Variants in ZCCHC4 observed in about 807,000 individuals in gnomAD.
The protein encoded by ZCCHC4 is zinc finger CCHC-type containing 4.
In ZCCHC4, 54 loss-of-function variants were observed where a neutral mutation model predicts 67.7. The ratio of observed to expected loss-of-function variants is 0.80; its 90% confidence interval spans 0.64 to 1.00. The LOEUF is 1.00. ZCCHC4 is among the 50% of genes least tolerant of loss of function. The pLI, the probability that ZCCHC4 is intolerant of heterozygous loss-of-function variation, is 0.00. For synonymous variants in ZCCHC4, 198 were observed against 213.5 expected (o/e 0.93, Z 0.63); for missense variants, 609 against 617.0 (o/e 0.99, Z 0.14).
chr4:25,318,266 A>T (rs756719402), intron 3 of ZCCHC4, among the ~76,000 whole-genome samples: 18 of 150,938 alleles, frequency 1.2e-4, no homozygotes, highest in Admixed American at 9.2e-4. Context: ...TCTGTAAGAA[A>T]ATCTAGGTGA....
chr4:25,322,710 G>T (rs1718647725), intron 3 of ZCCHC4, among the ~76,000 whole-genome samples: 2 of 152,024 alleles, frequency 1.3e-5, no homozygotes, highest in African/African-American at 4.8e-5. Context: ...TAGAGATGGG[G>T]TTTTGCCATA....
chr4:25,316,801 G>A (rs1481554828), intron 3 of ZCCHC4, among the ~76,000 whole-genome samples: 2 of 152,136 alleles, frequency 1.3e-5, no homozygotes, highest in Non-Finnish European at 2.9e-5. Context: ...AAACACAAGA[G>A]TTTTAATTTT....
chr4:25,317,642 CA>C (rs1189582262), intron 3 of ZCCHC4, among the ~76,000 whole-genome samples: 4 of 131,402 alleles, frequency 3.0e-5, no homozygotes, highest in Non-Finnish European at 6.2e-5. Context: ...ACCTGGGAGG[CA>C]GAGGTGAGCC....
rs764380541 is a variant in ZCCHC4 at position 25,361,974 on chromosome 4, G to C, written c.1127G>C (p.Gly376Ala). Residue 376 changes from glycine (G) to alanine (A), a missense_variant, in exon 9 of 13, where the codon GGG (glycine) becomes GCG (alanine). Transcript: ENST00000302874. Reference protein sequence around the residue: ...PNKIILPTEEGYRFCSPCQRY... With the variant: ...PNKIILPTEEAYRFCSPCQRY... ...AAAATAATCCTTCCTACTGAAGAAG[G>C]GTACAGGTAAGATCACAGTGGAACT... 7.4e-6 allele frequency: 12 copies of C among 1,612,980 alleles called. No homozygotes were observed. In the Admixed American group the frequency reaches 1.3e-4, roughly 18 times the overall value.
At chr4:25,342,363 TGGAGAACAGCC>T (rs1719796516) in intron 5 of ZCCHC4, among the ~76,000 whole-genome samples, 1 of 152,198 alleles carries the variant, frequency 6.6e-6, no homozygotes, top group Non-Finnish European at 1.5e-5. Flanking sequence ...TATCCAAGGT[TGGAGAACAGCC>T]TCAAACTCCA....
In ZCCHC4 at chr4:25,354,297, G is replaced by A. The variant is rs372106905; in HGVS notation, c.1011+2608G>A. Among the ~76,000 whole-genome samples, 75 of 152,268 alleles carry A rather than the reference G, an allele frequency of 4.9e-4. 1 individual carries two copies. The highest frequency in any genetic ancestry group is 1.7e-3 in the African/African-American group (72 of 41,548). On this transcript the variant is annotated intron_variant, in intron 8 of 12. Coordinates refer to ENST00000302874, the MANE Select transcript of ZCCHC4 (RefSeq NM_024936.3). ...TACAGTTTTGAGAAATAGTTGCAAG[G>A]TCCAAGTGTGGACAATAATTATGCA...
chr4:25,365,758 G>A (rs1011525760), intron 12 of ZCCHC4: 1 of 985,406 alleles, frequency 1.0e-6, no homozygotes, highest in African/African-American at 1.7e-5. Context: ...AGAGTATGGG[G>A]ATACCTATGA....
chr4:25,356,556 CTT>C (rs912082095), intron 8 of ZCCHC4, among the ~76,000 whole-genome samples: 1 of 150,488 alleles, frequency 6.6e-6, no homozygotes, highest in African/African-American at 2.4e-5. Context: ...AGAAATTGTT[CTT>C]TTTTTTTCCC....
At chr4:25,366,402 G>T (rs1260668234) in intron 12 of ZCCHC4, 12 of 452,416 alleles carry the variant, frequency 2.7e-5, no homozygotes, top group African/African-American at 4.5e-5. Context: ...TGTAAGCTCC[G>T]CCTCCCGGGT....
chr4:25,324,012 G>GTATTTTTTTTTTTT (rs1250841223), intron 3 of ZCCHC4, among the ~76,000 whole-genome samples: 1 of 18,590 alleles, frequency 5.4e-5, no homozygotes, highest in African/African-American at 4.3e-4. Context: ...ACTGTTTTTT[G>GTATTTTTTTTTTTT]TGTTTTTTTT....
rs56961128 is a variant in ZCCHC4, at chr4:25,352,055, G to A, written c.1011+366G>A. Reference sequence around the variant, plus strand: ...CCACCCCTGGTTCATCATTATGAACGTTGGTTTCCTCTTTTCAGGGCATAT... The same window carrying A: ...CCACCCCTGGTTCATCATTATGAACATTGGTTTCCTCTTTTCAGGGCATAT... On this transcript the variant is annotated intron_variant, in intron 8 of 12. Coordinates refer to ENST00000302874, the MANE Select transcript of ZCCHC4 (RefSeq NM_024936.3). 1.5e-3 allele frequency: 1,516 copies of A among 998,168 alleles called. 17 individuals are homozygous for A. The African/African-American group carries it at 0.024, about 16-fold the overall frequency. The allele number at this position is 998,168 out of a possible 1,614,324, so 61.8% of individuals were successfully genotyped here.
intron 3 of ZCCHC4, among the ~76,000 whole-genome samples, chr4:25,327,592 A>C (rs11939477): frequency 0.016 from 2,458 of 151,916 alleles, 72 homozygotes; most frequent in African/African-American, 0.056. Flanking sequence ...TGATCCTCCC[A>C]CCTCAGCCTC....
chr4:25,335,116 C>T (rs1285897574), intron 5 of ZCCHC4, among the ~76,000 whole-genome samples: 1 of 152,196 alleles, frequency 6.6e-6, no homozygotes, highest in Non-Finnish European at 1.5e-5. Flanking sequence ...CCACCAAGCA[C>T]TAAACAGATT....
At chr4:25,330,964 T>C (rs1719153751) in intron 3 of ZCCHC4, among the ~76,000 whole-genome samples, 1 of 152,198 alleles carries the variant, frequency 6.6e-6, no homozygotes, top group Non-Finnish European at 1.5e-5. Context: ...TCTCTCTCAG[T>C]GTACAGCTTT....
intron 5 of ZCCHC4, among the ~76,000 whole-genome samples, chr4:25,336,272 A>C (rs936881767): frequency 1.3e-5 from 2 of 152,142 alleles, no homozygotes; most frequent in African/African-American, 2.4e-5. Context: ...TTCACTTAGC[A>C]TCATGTTTTC....
chr4:25,352,877 ATTTTAAAATTC>A (rs1034301070), intron 8 of ZCCHC4, among the ~76,000 whole-genome samples: 2 of 152,242 alleles, frequency 1.3e-5, no homozygotes, highest in African/African-American at 4.8e-5. Context: ...TATGAAAATT[ATTTTAAAATTC>A]TGAAAGAAAC....
rs199864530 is a variant in ZCCHC4, at chr4:25,312,842, G to A, written c.33G>A (p.Val11=). 1.9e-5 allele frequency: 31 copies of A among 1,613,332 alleles called. No individual in the cohort carries two copies. Among genetic ancestry groups the A allele is most frequent in the Middle Eastern group, 1.9e-4 (1 of 5,376 alleles). The change falls in exon 1 of 13, where the codon GTG becomes GTA. Residue 11 remains valine, a synonymous_variant. Transcript: ENST00000302874. ...CCTCCAGGAATGGGTTTGAAGCCGT[G>A]GAGGCAGAGGGCAGCGCAGGGTGCC... MAASRNGFEA[V]EAEGSAGCRG...
At chr4:25,317,801 C>T (rs932340602) in intron 3 of ZCCHC4, among the ~76,000 whole-genome samples, 20 of 151,432 alleles carry the variant, frequency 1.3e-4, no homozygotes, top group African/African-American at 4.8e-4. Context: ...TTATTTAGTC[C>T]TGCAGAGGTG....
rs561730923 is a variant in ZCCHC4, at chr4:25,359,544, C to T, written c.1012-2315C>T. On this transcript the variant is annotated intron_variant, in intron 8 of 12. Coordinates refer to ENST00000302874, the MANE Select transcript of ZCCHC4 (RefSeq NM_024936.3). This position sits in a 1 kb window ranked among gnomAD's most constrained non-coding sequence, Gnocchi z 4.9. Reference sequence around the variant, plus strand: ...AGGCTGTTGGCGGGATCAAGGGGTCCGTGCCACAAAGAAGGGAAAGATGCC... The same window carrying T: ...AGGCTGTTGGCGGGATCAAGGGGTCTGTGCCACAAAGAAGGGAAAGATGCC... Among the ~76,000 whole-genome samples the T allele has an allele frequency of 1.2e-4, 18 of 152,238 alleles. No individual in the cohort carries two copies. In the South Asian group the frequency reaches 1.9e-3, roughly 16 times the overall value.
Sources: allele counts gnomAD v4.1 joint callset (sites outside exome capture counted in the v4.1 genomes callset), GRCh38; gene constraint gnomAD v4.1.1; non-coding constraint Gnocchi (gnomAD v3.1); transcripts MANE v1.5; gene names NCBI Gene and HGNC (gene_info 2026-07-23, HGNC 2026-07-21).